The following CACNB4 variants were observed in gnomAD, a reference collection of about 807,000 sequenced individuals.
CACNB4 encodes voltage-dependent L-type calcium channel subunit beta-4.
Under a neutral mutation model 71.2 loss-of-function variants are expected in CACNB4, and 32 were observed. That is an observed-to-expected ratio of 0.45 (90% CI 0.34 to 0.60). CACNB4 has a LOEUF of 0.60. CACNB4 is among the 20% of genes least tolerant of loss of function. The pLI is 0.01. For synonymous variants in CACNB4, 231 were observed against 236.9 expected (o/e 0.97, Z 0.23); for missense variants, 464 against 647.9 (o/e 0.72, Z 3.08).
At chr2:151,983,029 G>C (rs1209773025) in intron 2 of CACNB4, among the ~76,000 whole-genome samples, 1 of 152,180 alleles carries the variant, frequency 6.6e-6, no homozygotes, top group East Asian at 1.9e-4. Context: ...GTCAGTGACT[G>C]CAAATCTCCA....
At chr2:152,048,135 G>T (rs551841615) in intron 2 of CACNB4, among the ~76,000 whole-genome samples, 7 of 152,182 alleles carry the variant, frequency 4.6e-5, no homozygotes, top group Admixed American at 6.5e-5. Flanking sequence ...GTTATGGTGG[G>T]CTGTCTGTGC....
intron 2 of CACNB4, among the ~76,000 whole-genome samples, chr2:151,961,832 C>A (rs2099869737): frequency 6.6e-6 from 1 of 152,062 alleles, no homozygotes; most frequent in South Asian, 2.1e-4. Flanking sequence ...TCCAAGGCTG[C>A]AGTGAGCCAT....
intron 2 of CACNB4, among the ~76,000 whole-genome samples, chr2:152,097,873 A>G (rs571690617): frequency 1.3e-5 from 2 of 152,330 alleles, no homozygotes; most frequent in South Asian, 4.1e-4. Flanking sequence ...GATCTCTCCC[A>G]AGATCCAGAC....
In CACNB4 at chr2:152,098,224, G is replaced by A. The variant is rs1416704964; in HGVS notation, c.147+106C>T. 6 of 843,668 alleles carry A rather than the reference G, an allele frequency of 7.1e-6. No homozygotes were observed. Among genetic ancestry groups the A allele is most frequent in the Non-Finnish European group, 1.2e-5 (6 of 509,214 alleles). The allele number at this position is 843,668 out of a possible 1,614,324, so 52.3% of individuals were successfully genotyped here. On this transcript the variant is annotated intron_variant, in intron 2 of 13. Transcript: ENST00000539935. This position sits in a 1 kb window ranked among gnomAD's most constrained non-coding sequence, Gnocchi z 5.3. ...CCGAGGCCGGGAAGAGACGCGCGCGGGCTTGACCCGCAGCTCCCGCACGTG... is the reference window on the plus strand; with the variant it reads ...CCGAGGCCGGGAAGAGACGCGCGCGAGCTTGACCCGCAGCTCCCGCACGTG...
chr2:152,092,717 C>G (rs760951124), intron 2 of CACNB4, among the ~76,000 whole-genome samples: 8 of 151,806 alleles, frequency 5.3e-5, no homozygotes, highest in African/African-American at 9.7e-5. Context: ...CTGAATAGTA[C>G]TCTGTAGTAT....
chr2:151,964,306 ATT>A (rs1004226965), intron 2 of CACNB4, among the ~76,000 whole-genome samples: 1 of 152,176 alleles, frequency 6.6e-6, no homozygotes, highest in Non-Finnish European at 1.5e-5. Flanking sequence ...TCTTATGTGC[ATT>A]TTTAAAGATT....
At chr2:152,036,968 T>G (rs974926192) in intron 2 of CACNB4, among the ~76,000 whole-genome samples, 3 of 152,208 alleles carry the variant, frequency 2.0e-5, no homozygotes, top group Admixed American at 2.0e-4. Context: ...AACTTCAGCT[T>G]CAAAAAGGCA....
chr2:151,845,139 C>T (rs2099837226), intron 12 of CACNB4, among the ~76,000 whole-genome samples: 1 of 152,164 alleles, frequency 6.6e-6, no homozygotes, highest in African/African-American at 2.4e-5. Flanking sequence ...TAATTAGTGG[C>T]ACATTTAATT....
At chr2:151,872,081 T>A (rs575277496) in intron 6 of CACNB4, 130 of 270,168 alleles carry the variant, frequency 4.8e-4, no homozygotes, top group Non-Finnish European at 7.4e-4. Flanking sequence ...GCATCATTTT[T>A]TTCCTTTTTT....
At chr2:151,904,313 A>G (rs1000148228) in intron 2 of CACNB4, among the ~76,000 whole-genome samples, 2 of 152,220 alleles carry the variant, frequency 1.3e-5, no homozygotes. Flanking sequence ...GCCAATCACA[A>G]TCAAGTAAAT....
At chr2:151,875,135 G>A (rs2099845633) in intron 5 of CACNB4, among the ~76,000 whole-genome samples, 1 of 150,628 alleles carries the variant, frequency 6.6e-6, no homozygotes, top group Non-Finnish European at 1.5e-5. Context: ...AAGGTCTCTG[G>A]TTTTCCTAGG....
chr2:151,906,482 T>C (rs1361731207), intron 2 of CACNB4, among the ~76,000 whole-genome samples: 2 of 152,210 alleles, frequency 1.3e-5, no homozygotes, highest in Non-Finnish European at 2.9e-5. Flanking sequence ...TAAGAGCAGT[T>C]ACTCTATCTA....
chr2:151,901,378 A>G (rs1368864936), intron 2 of CACNB4, among the ~76,000 whole-genome samples: 1 of 152,190 alleles, frequency 6.6e-6, no homozygotes, highest in African/African-American at 2.4e-5. Flanking sequence ...GGAGAAACTA[A>G]TATCAGAGCT....
At chr2:151,995,425 CA>C (rs955125102) in intron 2 of CACNB4, among the ~76,000 whole-genome samples, 24 of 152,024 alleles carry the variant, frequency 1.6e-4, no homozygotes, top group African/African-American at 5.3e-4. Context: ...AGGCATTAGC[CA>C]AAAAAATAAG....
At chr2:151,860,939 C>A in intron 9 of CACNB4, 119 bp from the exon 10 acceptor site, 2 of 663,712 alleles carry the variant, frequency 3.0e-6, no homozygotes, top group Non-Finnish European at 2.7e-6. Flanking sequence ...CACAGTATAA[C>A]AAACATTGGC....
At chr2:152,093,531 T>C (rs1002021903) in intron 2 of CACNB4, among the ~76,000 whole-genome samples, 4 of 152,116 alleles carry the variant, frequency 2.6e-5, no homozygotes, top group African/African-American at 9.7e-5. Context: ...CTTGGACCTG[T>C]TTTGACTTGA....
chr2:151,986,581 G>A (rs530443761), intron 2 of CACNB4, among the ~76,000 whole-genome samples: 2 of 152,224 alleles, frequency 1.3e-5, no homozygotes, highest in African/African-American at 2.4e-5. Context: ...GTCACATTTA[G>A]CATACTCATC....
intron 2 of CACNB4, among the ~76,000 whole-genome samples, chr2:151,980,769 G>A (rs936511513): frequency 6.6e-6 from 1 of 152,202 alleles, no homozygotes; most frequent in Admixed American, 6.5e-5. Flanking sequence ...TGTCCTGATT[G>A]GGACACAATG....
At chr2:151,886,894 G>A (rs779143483) in intron 2 of CACNB4, among the ~76,000 whole-genome samples, 2 of 152,142 alleles carry the variant, frequency 1.3e-5, no homozygotes, top group Non-Finnish European at 2.9e-5. Context: ...ATAAAGGAAA[G>A]GATCTGTGTT....
Sources: gnomAD v4.1 joint callset for allele counts (sites outside exome capture counted in the v4.1 genomes callset) on GRCh38, gnomAD v4.1.1 for gene constraint, Gnocchi (gnomAD v3.1) non-coding constraint, MANE v1.5 for transcripts, NCBI Gene and HGNC (gene_info 2026-07-23, HGNC 2026-07-21) for gene names.